NR6A1: variants seen among roughly 807,000 people sequenced by gnomAD.
NR6A1 encodes the protein nuclear receptor subfamily 6 group A member 1.
A neutral mutation model predicts 59.1 loss-of-function variants in NR6A1; 7 were observed. The ratio of observed to expected loss-of-function variants is 0.12; its 90% confidence interval spans 0.07 to 0.22. NR6A1 has a LOEUF of 0.22. NR6A1 is among the 10% of genes least tolerant of loss of function. The probability of loss-of-function intolerance (pLI) is 1.00; values close to 1 mark genes in which losing one functional copy is unlikely to be tolerated. For synonymous variants in NR6A1, 243 were observed against 236.1 expected (o/e 1.03, Z -0.27); for missense variants, 468 against 611.6 (o/e 0.77, Z 2.48).
intron 2 of NR6A1, among the ~76,000 whole-genome samples, chr9:124,560,618 T>C (rs909968848): frequency 4.6e-5 from 7 of 152,192 alleles, no homozygotes; most frequent in African/African-American, 1.7e-4. Flanking sequence ...TGGAGTGCAA[T>C]GGCCCAATCT....
chr9:124,704,658 A>G (rs928635558), intron 2 of NR6A1, among the ~76,000 whole-genome samples: 7 of 152,166 alleles, frequency 4.6e-5, no homozygotes, highest in African/African-American at 1.7e-4. Flanking sequence ...GCATTATAAA[A>G]GCTGTAAATC....
Position 124,540,102 on chromosome 9 carries a change from T to A in NR6A1, c.527A>T (p.Asp176Val). Residue 176 changes from aspartate (D) to valine (V), a missense_variant, in exon 5 of 10, where the codon GAC becomes GTC. By Grantham distance (152) the Asp-to-Val change is radical. Transcript: ENST00000487099. ...ANHWSNHGDS[D>V]HSSPGNRASE... ...AGCCCTGTTCCCAGGGGAACTGTGGTCACTATCACCATGGTTGCTCCAGTG... is the reference window on the plus strand; with the variant it reads ...AGCCCTGTTCCCAGGGGAACTGTGGACACTATCACCATGGTTGCTCCAGTG... The A allele has an allele frequency of 1.2e-6, 2 of 1,613,320 alleles. No individual in the cohort carries two copies. Among genetic ancestry groups the A allele is most frequent in the Non-Finnish European group, 1.7e-6 (2 of 1,179,920 alleles).
chr9:124,735,765 A>T (rs1178466362), intron 1 of NR6A1, among the ~76,000 whole-genome samples: 1 of 152,224 alleles, frequency 6.6e-6, no homozygotes, highest in Non-Finnish European at 1.5e-5. Flanking sequence ...ACAGTTCTGG[A>T]GCCGTGAAGT....
rs568639792 is a variant in NR6A1, at chr9:124,618,639, C to A, written c.143-64069G>T. Among the ~76,000 whole-genome samples, 15 of 152,264 alleles carry A rather than the reference C, an allele frequency of 9.9e-5. No individual in the cohort carries two copies. The South Asian group carries it at 2.9e-3, about 29-fold the overall frequency. On this transcript the variant is annotated intron_variant, in intron 2 of 9. Coordinates refer to ENST00000487099, the MANE Select transcript of NR6A1 (RefSeq NM_033334.4). Reference sequence around the variant, plus strand: ...ACCAAGTGAGTCATCCTAAATTAATCTGAACTAAAGTTTGGGCCACTCGAT... The same window carrying A: ...ACCAAGTGAGTCATCCTAAATTAATATGAACTAAAGTTTGGGCCACTCGAT...
At chr9:124,691,649 G>C (rs1325804571) in intron 2 of NR6A1, among the ~76,000 whole-genome samples, 1 of 152,170 alleles carries the variant, frequency 6.6e-6, no homozygotes, top group South Asian at 2.1e-4. Flanking sequence ...TACACTCTGT[G>C]TTCTCAACTA....
intron 2 of NR6A1, among the ~76,000 whole-genome samples, chr9:124,679,971 A>G (rs1053617772): frequency 1.3e-5 from 2 of 152,086 alleles, no homozygotes; most frequent in Non-Finnish European, 2.9e-5. Flanking sequence ...TGCCTATTGC[A>G]ACTTCCAAAA....
intron 7 of NR6A1, among the ~76,000 whole-genome samples, chr9:124,535,228 G>T (rs752601234): frequency 1.3e-5 from 2 of 152,114 alleles, no homozygotes; most frequent in Non-Finnish European, 2.9e-5. Context: ...CTCTTGCCTT[G>T]TAGGCAGAAT....
chr9:124,675,581 A>C (rs1837929009), intron 2 of NR6A1, among the ~76,000 whole-genome samples: 1 of 152,220 alleles, frequency 6.6e-6, no homozygotes, highest in Non-Finnish European at 1.5e-5. Context: ...ACCTGCTCTC[A>C]ACCCAGATTT....
At chr9:124,634,511 C>T (rs1170389979) in intron 2 of NR6A1, among the ~76,000 whole-genome samples, 1 of 152,070 alleles carries the variant, frequency 6.6e-6, no homozygotes, top group East Asian at 1.9e-4. Context: ...AGTTTTCTTG[C>T]TTTTATTTTT....
intron 2 of NR6A1, among the ~76,000 whole-genome samples, chr9:124,608,294 C>T (rs1271065967): frequency 6.6e-6 from 1 of 152,016 alleles, no homozygotes; most frequent in Non-Finnish European, 1.5e-5. Context: ...GATGCTCTCC[C>T]TCCCCCACCC....
At chr9:124,620,294 GTAAA>G (rs768057363) in intron 2 of NR6A1, among the ~76,000 whole-genome samples, 4 of 152,114 alleles carry the variant, frequency 2.6e-5, no homozygotes, top group Middle Eastern at 3.4e-3. Context: ...TTATACTTCC[GTAAA>G]TAAATAATTT....
chr9:124,695,815 G>C (rs772882093), intron 2 of NR6A1, among the ~76,000 whole-genome samples: 1 of 152,074 alleles, frequency 6.6e-6, no homozygotes, highest in Non-Finnish European at 1.5e-5. Context: ...CATTAGAAAA[G>C]AATGTCTGAC....
At chr9:124,620,062 C>CA (rs376146735) in intron 2 of NR6A1, among the ~76,000 whole-genome samples, 8 of 150,216 alleles carry the variant, frequency 5.3e-5, no homozygotes, top group Non-Finnish European at 8.9e-5. Context: ...ACTTCATCTC[C>CA]AAAAAAAAGA....
At chr9:124,739,052 G>A (rs1320692427) in intron 1 of NR6A1, among the ~76,000 whole-genome samples, 1 of 150,648 alleles carries the variant, frequency 6.6e-6, no homozygotes, top group Admixed American at 6.6e-5. Flanking sequence ...AATTTTGGTG[G>A]TGGCAGGTGC....
chr9:124,654,154 G>C (rs1312315456), intron 2 of NR6A1, among the ~76,000 whole-genome samples: 1 of 152,162 alleles, frequency 6.6e-6, no homozygotes. Flanking sequence ...GACACTCAAA[G>C]GTGGCCACTG....
intron 2 of NR6A1, among the ~76,000 whole-genome samples, chr9:124,662,896 A>G (rs1051662717): frequency 2.0e-5 from 3 of 152,222 alleles, no homozygotes; most frequent in African/African-American, 7.2e-5. Context: ...GCAAATTTTT[A>G]TCTGAGTACA....
rs568191458 is a variant in NR6A1, at chr9:124,676,292, A to C, written c.142+57016T>G. 2.0e-5 allele frequency among the ~76,000 whole-genome samples: 3 copies of C among 152,314 alleles called. No homozygotes were observed. In the East Asian group the frequency reaches 5.8e-4, roughly 29 times the overall value. Reference sequence around the variant, plus strand: ...AAAATATTGAGCTGCAAACTCTGGCAAACAGACAGTGCTGAAATTAAACAT... The same window carrying C: ...AAAATATTGAGCTGCAAACTCTGGCCAACAGACAGTGCTGAAATTAAACAT... On this transcript the variant is annotated intron_variant, in intron 2 of 9. Transcript: ENST00000487099.
chr9:124,707,164 C>T (rs1325467743), intron 2 of NR6A1, among the ~76,000 whole-genome samples: 2 of 152,148 alleles, frequency 1.3e-5, no homozygotes, highest in Non-Finnish European at 2.9e-5. Context: ...TCCCACAGAT[C>T]TCAGAGGTTC....
chr9:124,733,512 C>T (rs1839941079), intron 1 of NR6A1, among the ~76,000 whole-genome samples, 163 bp from the exon 2 acceptor site: 1 of 152,200 alleles, frequency 6.6e-6, no homozygotes, highest in African/African-American at 2.4e-5. Flanking sequence ...CTCTGAGCCT[C>T]CATTTCATCC....
Sources: gnomAD v4.1 joint callset for allele counts (sites outside exome capture counted in the v4.1 genomes callset) on GRCh38, gnomAD v4.1.1 for gene constraint, MANE v1.5 for transcripts, NCBI Gene and HGNC (gene_info 2026-07-23, HGNC 2026-07-21) for gene names.